The following RBBP9 variants were observed in gnomAD, a reference collection of about 807,000 sequenced individuals.
RBBP9 encodes serine hydrolase RBBP9.
Under a neutral mutation model 24.2 loss-of-function variants are expected in RBBP9, and 20 were observed. The observed-to-expected ratio is 0.83, with a 90% CI of 0.58 to 1.20. The LOEUF (loss-of-function observed/expected upper bound fraction) is 1.20. Among genes scored for constraint, RBBP9 ranks in the 50% most tolerant of loss-of-function variants. RBBP9 has a pLI of 0.00. For missense variants in RBBP9, 234 were observed against 233.6 expected, an observed-to-expected ratio of 1.00 and a Z score of -0.01; for synonymous variants, 74 against 84.6, an observed-to-expected ratio of 0.87 and a Z score of 0.69.
Position 18,495,884 on chromosome 20 carries a change from T to C in RBBP9, c.100-4A>G, listed in dbSNP as rs746653479. ...CCAAACACTGGAAACCAGGTATCTATGATATGAGGGGGGAGAAAAAGCTAT... is the reference window on the plus strand; with the variant it reads ...CCAAACACTGGAAACCAGGTATCTACGATATGAGGGGGGAGAAAAAGCTAT... On this transcript the variant is annotated splice_polypyrimidine_tract_variant and splice_region_variant and intron_variant, in intron 1 of 4. Transcript: ENST00000337227. The C allele has an allele frequency of 3.2e-6, 5 of 1,545,580 alleles. No individual in the cohort carries two copies. The South Asian group carries it at 5.8e-5, about 18-fold the overall frequency.
Position 18,489,701 on chromosome 20 carries a change from C to T in RBBP9, c.*63G>A, listed in dbSNP as rs902626501. 1 of 1,098,712 alleles carries T rather than the reference C, an allele frequency of 9.1e-7. No homozygotes were observed. Among genetic ancestry groups the T allele is most frequent in the African/African-American group, 1.5e-5 (1 of 64,700 alleles). The allele number at this position is 1,098,712 out of a possible 1,614,324, so 68.1% of individuals were successfully genotyped here. A position where few individuals can be genotyped will look rare whatever the true frequency, so the allele number is the denominator to read the frequency against. On this transcript the variant is annotated 3_prime_UTR_variant, in exon 5 of 5. Coordinates refer to ENST00000337227, the MANE Select transcript of RBBP9 (RefSeq NM_006606.3). ...CTGGATGTTCTATGTGTCTAGTAAT[C>T]AGCTGATAGTAGATATTATTCTACT...
At position 18,490,421 on chromosome 20, in the gene RBBP9, A is replaced by T; in HGVS notation, c.308T>A (p.Leu103Ter). The change falls in exon 4 of 5, where the codon TTG becomes TAG. Residue 103 changes from leucine (L) to a stop codon, truncating the protein, a stop_gained. Coordinates refer to ENST00000337227, the MANE Select transcript of RBBP9 (RefSeq NM_006606.3). LOFTEE classifies it high-confidence loss of function. Reference protein sequence around the residue: ...IVLVSAYTSDLGDENERASGY... With the variant: ...IVLVSAYTSD ...ACTTGCACGCTCATTTTCATCCCCC[A>T]AGTCTGATGTGTACGCAGACACTAA... The T allele has an allele frequency of 6.2e-7, 1 of 1,613,894 alleles. No individual in the cohort carries two copies. The highest frequency in any genetic ancestry group is 8.5e-7 in the Non-Finnish European group (1 of 1,179,816).
In RBBP9 at chr20:18,487,706, C is replaced by T. The variant is rs996245483; in HGVS notation, c.*2058G>A. The T allele has an allele frequency of 2.0e-5, 3 of 152,178 alleles. No homozygotes were observed. The highest frequency in any genetic ancestry group is 7.2e-5 in the African/African-American group (3 of 41,424). The allele number at this position is 152,178 out of a possible 1,614,324, so 9.4% of individuals were successfully genotyped here. A position where few individuals can be genotyped will look rare whatever the true frequency, so the allele number is the denominator to read the frequency against. ...GTGGCTCATGCCTGTAATCCCAACA[C>T]TTTGGGCGGCTGAGGTGGGTGGATC... is the stretch of plus-strand genomic sequence containing the variant. On this transcript the variant is annotated 3_prime_UTR_variant, in exon 5 of 5. Transcript: ENST00000337227.
chr20:18,492,203 A>G (rs111859945), intron 3 of RBBP9, among the ~76,000 whole-genome samples: 8 of 151,890 alleles, frequency 5.3e-5, no homozygotes, highest in African/African-American at 1.9e-4. Flanking sequence ...TCCCTTAACC[A>G]TGGTACCACT....
chr20:18,493,076 C>G (rs767607187), intron 3 of RBBP9, among the ~76,000 whole-genome samples: 2 of 152,120 alleles, frequency 1.3e-5, no homozygotes, highest in Non-Finnish European at 2.9e-5. Flanking sequence ...CTGCTTGGGA[C>G]AAATAAAAAC....
intron 2 of RBBP9, among the ~76,000 whole-genome samples, chr20:18,494,889 T>G (rs1014494543): frequency 3.3e-5 from 5 of 152,220 alleles, no homozygotes; most frequent in African/African-American, 1.2e-4. Flanking sequence ...CTGAAAATAT[T>G]TGTAGACATA....
chr20:18,494,861 A>G (rs1303748162), intron 2 of RBBP9, among the ~76,000 whole-genome samples: 1 of 152,232 alleles, frequency 6.6e-6, no homozygotes, highest in Non-Finnish European at 1.5e-5. Flanking sequence ...CCTCAAGTAT[A>G]GTACCCACAA....
chr20:18,488,107 C>T lies in RBBP9; in HGVS notation c.*1657G>A, dbSNP rs1164492605. 1.3e-5 allele frequency: 2 copies of T among 152,112 alleles called. No homozygotes were observed. Among genetic ancestry groups the T allele is most frequent in the African/African-American group, 4.8e-5 (2 of 41,420 alleles). 9.4% of individuals were successfully genotyped at this position (152,112 alleles called of 1,614,324 possible). A position where few individuals can be genotyped will look rare whatever the true frequency, so the allele number is the denominator to read the frequency against. ...TTGGTTTTGAGCGATAGCTCTGAAT[C>T]TCCTTTAGGTATGAAGTGTAGGAAA... On this transcript the variant is annotated 3_prime_UTR_variant, in exon 5 of 5. Coordinates refer to ENST00000337227, the MANE Select transcript of RBBP9 (RefSeq NM_006606.3).
Position 18,489,573 on chromosome 20 carries a change from C to A in RBBP9, c.*191G>T, listed in dbSNP as rs757099613. On this transcript the variant is annotated 3_prime_UTR_variant, in exon 5 of 5. Transcript: ENST00000337227. ...AGGAAAATACTGTGGTAGTTCATAG[C>A]AATTTGGGGAGTTTTAGAGTCTATG... 1 of 527,348 alleles carries A rather than the reference C, an allele frequency of 1.9e-6. No individual in the cohort carries two copies. The highest frequency in any genetic ancestry group is 3.3e-5 in the Admixed American group (1 of 30,012). The allele number at this position is 527,348 out of a possible 1,614,324, so 32.7% of individuals were successfully genotyped here.
At position 18,495,350 on chromosome 20, in the gene RBBP9, G is replaced by A. The variant is rs1357360699; in HGVS notation, c.142+488C>T. ...ACTCAGGGTTAAATGGATTAAGGGCGGTGCAAGATGTGCTTTGTTAAACAG... is the reference window on the plus strand; with the variant it reads ...ACTCAGGGTTAAATGGATTAAGGGCAGTGCAAGATGTGCTTTGTTAAACAG... On this transcript the variant is annotated intron_variant, in intron 2 of 4. Transcript: ENST00000337227. Among the ~76,000 whole-genome samples, 85 of 146,360 alleles carry A rather than the reference G, an allele frequency of 5.8e-4. 2 individuals are homozygous for A. The highest frequency in any genetic ancestry group is 4.9e-3 in the Admixed American group (72 of 14,552).
In RBBP9 at chr20:18,488,152, T is replaced by A. The variant is rs2059850754; in HGVS notation, c.*1612A>T. The A allele has an allele frequency of 6.6e-6, 1 of 152,200 alleles. No homozygotes were observed. The highest frequency in any genetic ancestry group is 2.4e-5 in the African/African-American group (1 of 41,438). 9.4% of individuals were successfully genotyped at this position (152,200 alleles called of 1,614,324 possible). On this transcript the variant is annotated 3_prime_UTR_variant, in exon 5 of 5. Transcript: ENST00000337227. ...AGGAAATTGTATTTCTGCAGCAAAC[T>A]TAGGCTTTGCAACATCAAGTGTGGA... is the stretch of plus-strand genomic sequence containing the variant.
In RBBP9 at chr20:18,497,179, G is replaced by A; in HGVS notation, c.-12C>T. ...CTAGGAGAAGCCATGAGTGCAGCGA[G>A]GCCAGAGTTCCCCAGCGCGGGTCCA... is the stretch of plus-strand genomic sequence containing the variant. On this transcript the variant is annotated 5_prime_UTR_variant, in exon 1 of 5. Transcript: ENST00000337227. 1.2e-6 allele frequency: 2 copies of A among 1,606,580 alleles called. No individual in the cohort carries two copies. Among genetic ancestry groups the A allele is most frequent in the Non-Finnish European group, 1.7e-6 (2 of 1,173,464 alleles).
rs1443849935 is a variant in RBBP9, at chr20:18,488,634, C to T, written c.*1130G>A. ...TGTGCTTGAAAGAGATCTAAAGGGC[C>T]ATGGAAGTTAAAAGGTTTAACTCTA... is the stretch of plus-strand genomic sequence containing the variant. On this transcript the variant is annotated 3_prime_UTR_variant, in exon 5 of 5. Coordinates refer to ENST00000337227, the MANE Select transcript of RBBP9 (RefSeq NM_006606.3). The T allele has an allele frequency of 6.6e-6, 1 of 152,166 alleles. No individual in the cohort carries two copies. The highest frequency in any genetic ancestry group is 1.9e-4 in the East Asian group (1 of 5,204). The allele number at this position is 152,166 out of a possible 1,614,324, so 9.4% of individuals were successfully genotyped here.
intron 3 of RBBP9, among the ~76,000 whole-genome samples, chr20:18,492,454 G>A (rs2059869840): frequency 6.6e-6 from 1 of 152,078 alleles, no homozygotes; most frequent in South Asian, 2.1e-4. Context: ...AGGATTGTCT[G>A]TTTCCTCCTA....
At chr20:18,491,942 CAAAA>C (rs1568587025) in intron 3 of RBBP9, among the ~76,000 whole-genome samples, 1 of 151,710 alleles carries the variant, frequency 6.6e-6, no homozygotes, top group East Asian at 1.9e-4. Flanking sequence ...ACTAAAAATA[CAAAA>C]ATTAGCCAGG....
chr20:18,495,906 C>G lies in RBBP9; in HGVS notation c.100-26G>C, dbSNP rs376762188. On this transcript the variant is annotated intron_variant, in intron 1 of 4. Coordinates refer to ENST00000337227, the MANE Select transcript of RBBP9 (RefSeq NM_006606.3). The stretch of plus-strand genomic sequence containing the variant: ...CTATGATATGAGGGGGGAGAAAAAG[C>G]TATAATAAAGAGCTTAATTACAACT... The G allele has an allele frequency of 4.7e-6, 7 of 1,490,000 alleles. No individual in the cohort carries two copies. In the Admixed American group the frequency reaches 1.4e-4, roughly 30 times the overall value. The allele number at this position is 1,490,000 out of a possible 1,614,324, so 92.3% of individuals were successfully genotyped here. A position where few individuals can be genotyped will look rare whatever the true frequency, so the allele number is the denominator to read the frequency against.
At chr20:18,493,825 G>T in intron 3 of RBBP9, 133 bp downstream of exon 3, 2 of 670,122 alleles carry the variant, frequency 3.0e-6, no homozygotes, top group Non-Finnish European at 4.8e-6. Context: ...AAGGAATTAG[G>T]ACAGATTATG....
chr20:18,497,116 C>T lies in RBBP9; in HGVS notation c.52G>A (p.Val18Met), dbSNP rs1206454396. The change falls in exon 1 of 5, where the codon GTG becomes ATG. Residue 18 changes from valine (V) to methionine (M), a missense_variant. Val to Met is a conservative substitution (Grantham distance 21, BLOSUM62 1). Coordinates refer to ENST00000337227, the MANE Select transcript of RBBP9 (RefSeq NM_006606.3). The stretch of plus-strand genomic sequence containing the variant: ...CAGCCATACCAGCCGTGGGTGGTCA[C>T]ATCCCCGCCTCCGTTCCCGGGAACA... ...VIVPGNGGGDVTTHGWYGWVK... is the reference protein window; with the variant it reads ...VIVPGNGGGDMTTHGWYGWVK... The T allele has an allele frequency of 1.9e-6, 3 of 1,614,132 alleles. No individual in the cohort carries two copies. The highest frequency in any genetic ancestry group is 2.5e-6 in the Non-Finnish European group (3 of 1,180,046).
Position 18,495,894 on chromosome 20 carries a change from G to C in RBBP9, c.100-14C>G. Reference sequence around the variant, plus strand: ...GAAACCAGGTATCTATGATATGAGGGGGGAGAAAAAGCTATAATAAAGAGC... The same window carrying C: ...GAAACCAGGTATCTATGATATGAGGCGGGAGAAAAAGCTATAATAAAGAGC... On this transcript the variant is annotated splice_polypyrimidine_tract_variant and intron_variant, in intron 1 of 4. Transcript: ENST00000337227. 3.3e-6 allele frequency: 5 copies of C among 1,522,648 alleles called. No individual in the cohort carries two copies. Among genetic ancestry groups the C allele is most frequent in the Non-Finnish European group, 4.5e-6 (5 of 1,116,856 alleles). 94.3% of individuals were successfully genotyped at this position (1,522,648 alleles called of 1,614,324 possible).
Sources: allele counts gnomAD v4.1 joint callset (sites outside exome capture counted in the v4.1 genomes callset), GRCh38; gene constraint gnomAD v4.1.1; transcripts MANE v1.5; gene names NCBI Gene and HGNC (gene_info 2026-07-23, HGNC 2026-07-21).